The following LMTK2 variants were observed in gnomAD, a reference collection of about 807,000 sequenced individuals.
LMTK2 encodes serine/threonine-protein kinase LMTK2.
In LMTK2, 37 loss-of-function variants were observed where a neutral mutation model predicts 127.5. The ratio of observed to expected loss-of-function variants is 0.29; its 90% confidence interval spans 0.22 to 0.38. The LOEUF (loss-of-function observed/expected upper bound fraction) is 0.38, where lower values mean the gene tolerates loss of function less well. Among genes scored for constraint, LMTK2 ranks in the 10% least tolerant of loss-of-function variants. The pLI is 1.00. For synonymous variants in LMTK2, 819 were observed against 810.1 expected (o/e 1.01, Z -0.19); for missense variants, 1,694 against 1,920.3 (o/e 0.88, Z 2.20).
intron 1 of LMTK2, among the ~76,000 whole-genome samples, chr7:98,133,113 G>A (rs192432198): frequency 6.6e-5 from 10 of 152,296 alleles, no homozygotes; most frequent in African/African-American, 1.4e-4. Flanking sequence ...TAGACATGCC[G>A]GGTGTTTTTT....
At chr7:98,120,897 A>G (rs1796351422) in intron 1 of LMTK2, among the ~76,000 whole-genome samples, 1 of 152,216 alleles carries the variant, frequency 6.6e-6, no homozygotes. Context: ...CCACAGCAGT[A>G]CAATTCGGGA....
rs561573580 is a variant in LMTK2 at position 98,207,403 on chromosome 7, A to G, written c.*1911A>G. On this transcript the variant is annotated 3_prime_UTR_variant, in exon 14 of 14. Coordinates refer to ENST00000297293, the MANE Select transcript of LMTK2 (RefSeq NM_014916.4). ...ATACTAAGCAATAACTTTCCAAAGC[A>G]AGAAGTTCAGGATGGAGAGAGTCCC... 1.2e-4 allele frequency: 18 copies of G among 152,154 alleles called. No individual in the cohort carries two copies. Among genetic ancestry groups the G allele is most frequent in the African/African-American group, 2.9e-4 (12 of 41,498 alleles). The allele number at this position is 152,154 out of a possible 1,614,324, so 9.4% of individuals were successfully genotyped here. A position where few individuals can be genotyped will look rare whatever the true frequency, so the allele number is the denominator to read the frequency against.
chr7:98,185,878 G>A (rs1434663119), intron 8 of LMTK2, among the ~76,000 whole-genome samples: 1 of 151,962 alleles, frequency 6.6e-6, no homozygotes, highest in Non-Finnish European at 1.5e-5. Context: ...TCCGCTTTCT[G>A]AGCAGCAACA....
chr7:98,201,498 A>G (rs1406906696), intron 11 of LMTK2, among the ~76,000 whole-genome samples: 1 of 152,184 alleles, frequency 6.6e-6, no homozygotes, highest in Non-Finnish European at 1.5e-5. Flanking sequence ...TGGGATGCTC[A>G]AGCTGTAATA....
intron 6 of LMTK2, among the ~76,000 whole-genome samples, chr7:98,169,777 T>A (rs1797157439): frequency 6.6e-6 from 1 of 151,960 alleles, no homozygotes. Context: ...CAGAGCCTAA[T>A]CTGAATGGAG....
intron 1 of LMTK2, among the ~76,000 whole-genome samples, chr7:98,107,697 G>A (rs1003847350): frequency 3.9e-5 from 6 of 152,120 alleles, no homozygotes; most frequent in Non-Finnish European, 7.3e-5. Flanking sequence ...ATGACTTGGC[G>A]AGCTGTGCGG....
intron 7 of LMTK2, among the ~76,000 whole-genome samples, chr7:98,173,874 G>C (rs1159088420): frequency 6.6e-6 from 1 of 152,106 alleles, no homozygotes; most frequent in East Asian, 1.9e-4. Flanking sequence ...GGCTAACACG[G>C]TGAAACCCCG....
intron 1 of LMTK2, among the ~76,000 whole-genome samples, chr7:98,118,227 T>C (rs936739143): frequency 6.6e-6 from 1 of 152,238 alleles, no homozygotes; most frequent in Non-Finnish European, 1.5e-5. Context: ...AACTGCATTA[T>C]AATGATATTG....
intron 13 of LMTK2, among the ~76,000 whole-genome samples, chr7:98,204,648 C>T (rs948315267): frequency 6.6e-6 from 1 of 152,184 alleles, no homozygotes; most frequent in Non-Finnish European, 1.5e-5. Flanking sequence ...AATAAAACTG[C>T]CAGCATCCTG....
intron 1 of LMTK2, among the ~76,000 whole-genome samples, chr7:98,117,592 T>C (rs1480793091): frequency 6.6e-6 from 1 of 152,146 alleles, no homozygotes; most frequent in East Asian, 1.9e-4. Flanking sequence ...CAGGTTCATC[T>C]TGTATATTCC....
chr7:98,114,139 C>G (rs1298848786), intron 1 of LMTK2, among the ~76,000 whole-genome samples: 1 of 152,028 alleles, frequency 6.6e-6, no homozygotes, highest in Non-Finnish European at 1.5e-5. Flanking sequence ...CTCTGCCCAC[C>G]TGGGCCTTTG....
intron 4 of LMTK2, among the ~76,000 whole-genome samples, chr7:98,152,459 C>G (rs2116389288): frequency 6.6e-6 from 1 of 152,336 alleles, no homozygotes; most frequent in East Asian, 1.9e-4. Context: ...CTCTTCTGCA[C>G]CATTCAGCAA....
Position 98,192,533 on chromosome 7 carries a change from C to G in LMTK2, c.2068C>G (p.Pro690Ala). The change falls in exon 11 of 14, where the codon CCC becomes GCC. Residue 690 changes from proline to alanine, a missense_variant. By Grantham distance (27) the Pro-to-Ala change is conservative. Transcript: ENST00000297293. ...AACAGGCCACTTTGAGAAAGAAAAG[C>G]CCCGTAAGATTTTTGACAGTGAGCC... The part of the protein sequence containing the change: ...VITGHFEKEK[P>A]RKIFDSEPLC... The G allele has an allele frequency of 1.2e-6, 2 of 1,611,222 alleles. No homozygotes were observed. The highest frequency in any genetic ancestry group is 8.5e-7 in the Non-Finnish European group (1 of 1,179,358).
chr7:98,185,022 T>A, intron 7 of LMTK2, 29 bp from the exon 8 acceptor site: 1 of 1,530,064 alleles, frequency 6.5e-7, no homozygotes, highest in Non-Finnish European at 9.1e-7. Flanking sequence ...TTGATTCTTC[T>A]TGCCATGTTC....
At chr7:98,201,032 T>C (rs1051981854) in intron 11 of LMTK2, among the ~76,000 whole-genome samples, 39 of 151,974 alleles carry the variant, frequency 2.6e-4, no homozygotes, top group Non-Finnish European at 3.7e-4. Flanking sequence ...CTTTTCTCTC[T>C]TTTTTTTAAA....
Position 98,159,328 on chromosome 7 carries a change from T to A in LMTK2, c.570-10T>A, listed in dbSNP as rs771510231. ...CTGATGAACAATATTATGGCTTTTA[T>A]TTTTCCCAGCATTCTTCAGCATCCA... On this transcript the variant is annotated splice_polypyrimidine_tract_variant and intron_variant, in intron 5 of 13. Coordinates refer to ENST00000297293, the MANE Select transcript of LMTK2 (RefSeq NM_014916.4). 54 of 1,583,008 alleles carry A rather than the reference T, an allele frequency of 3.4e-5. No homozygotes were observed. The Admixed American group carries it at 9.8e-4, about 29-fold the overall frequency.
At chr7:98,151,192 A>G (rs1344499884) in intron 3 of LMTK2, among the ~76,000 whole-genome samples, 190 bp from the exon 4 acceptor site, 1 of 152,154 alleles carries the variant, frequency 6.6e-6, no homozygotes, top group Non-Finnish European at 1.5e-5. Flanking sequence ...ATTGGTAGGA[A>G]ACTCATTAAA....
At chr7:98,117,850 C>A (rs1385339575) in intron 1 of LMTK2, among the ~76,000 whole-genome samples, 2 of 152,012 alleles carry the variant, frequency 1.3e-5, no homozygotes, top group Non-Finnish European at 2.9e-5. Flanking sequence ...GCCTGTAATC[C>A]CAGCTACTCG....
chr7:98,181,324 C>A (rs546740164), intron 7 of LMTK2, among the ~76,000 whole-genome samples: 15 of 152,340 alleles, frequency 9.8e-5, no homozygotes, highest in African/African-American at 3.6e-4. Context: ...GCCATCCAGG[C>A]TGGAATAGTG....
Sources: gnomAD v4.1 joint callset for allele counts (sites outside exome capture counted in the v4.1 genomes callset) on GRCh38, gnomAD v4.1.1 for gene constraint, MANE v1.5 for transcripts, NCBI Gene and HGNC (gene_info 2026-07-23, HGNC 2026-07-21) for gene names.